AGBL1: variants seen among roughly 807,000 people sequenced by gnomAD.
AGBL1 encodes AGBL carboxypeptidase 1, also known as cytosolic carboxypeptidase 4.
A neutral mutation model predicts 118.9 loss-of-function variants in AGBL1; 130 were observed. The observed-to-expected ratio is 1.09, with a 90% CI of 0.95 to 1.26. The LOEUF is 1.26. AGBL1 is among the 50% of genes most tolerant of loss of function. The pLI is 0.00. For missense variants in AGBL1, 1,584 were observed against 1,298.1 expected (o/e 1.22, Z -3.38); for synonymous variants, 555 against 478.9 (o/e 1.16, Z -2.08).
intron 18 of AGBL1, among the ~76,000 whole-genome samples, chr15:86,448,406 C>G (rs538747440): frequency 1.4e-3 from 207 of 152,240 alleles, no homozygotes; most frequent in African/African-American, 4.9e-3. Context: ...GTTAAGCATG[C>G]TGATATCATT....
chr15:86,301,832 C>T (rs899720170), intron 17 of AGBL1, among the ~76,000 whole-genome samples: 7 of 152,112 alleles, frequency 4.6e-5, no homozygotes, highest in African/African-American at 1.7e-4. Context: ...CCTGTATAAA[C>T]TCCACGTGCC....
intron 17 of AGBL1, among the ~76,000 whole-genome samples, chr15:86,355,895 T>C (rs533543064): frequency 3.3e-5 from 5 of 152,330 alleles, no homozygotes; most frequent in African/African-American, 1.2e-4. Flanking sequence ...AAACAGCTCC[T>C]GCTTCATTCT....
chr15:86,216,782 G>T (rs985535184), intron 5 of AGBL1, among the ~76,000 whole-genome samples: 2 of 152,166 alleles, frequency 1.3e-5, no homozygotes, highest in Non-Finnish European at 1.5e-5. Flanking sequence ...TCAAAATCCA[G>T]TAGAGAATCC....
chr15:86,705,061 C>G (rs982954198), intron 22 of AGBL1, among the ~76,000 whole-genome samples: 9 of 152,122 alleles, frequency 5.9e-5, no homozygotes, highest in Non-Finnish European at 1.2e-4. Context: ...CATGTCCTCA[C>G]TCATAAGTGG....
intron 21 of AGBL1, among the ~76,000 whole-genome samples, chr15:86,657,390 T>G (rs2085478080): frequency 1.3e-5 from 2 of 152,146 alleles, no homozygotes; most frequent in Non-Finnish European, 2.9e-5. Context: ...ATGGCATTAG[T>G]GGGAAATCAG....
At chr15:86,891,819 A>AT (rs936457991) in intron 22 of AGBL1, among the ~76,000 whole-genome samples, 2 of 152,160 alleles carry the variant, frequency 1.3e-5, no homozygotes, top group African/African-American at 4.8e-5. Flanking sequence ...GCCCAGCTGT[A>AT]TTTTAACACT....
At chr15:86,861,175 G>A (rs568542563) in intron 22 of AGBL1, among the ~76,000 whole-genome samples, 29 of 152,226 alleles carry the variant, frequency 1.9e-4, no homozygotes, top group Admixed American at 3.9e-4. Flanking sequence ...CCCATTGAAG[G>A]TATCTATTTT....
intron 18 of AGBL1, among the ~76,000 whole-genome samples, chr15:86,516,388 C>G (rs1201116690): frequency 1.3e-5 from 2 of 152,132 alleles, no homozygotes; most frequent in African/African-American, 4.8e-5. Context: ...GATATATTTT[C>G]CTTTCAGTCT....
chr15:86,549,571 C>A (rs944601984), intron 20 of AGBL1, among the ~76,000 whole-genome samples: 24 of 151,892 alleles, frequency 1.6e-4, no homozygotes, highest in African/African-American at 5.3e-4. Context: ...AAAGTATAAT[C>A]TATGATGTCC....
At chr15:86,262,279 C>T (rs1046347877) in intron 9 of AGBL1, among the ~76,000 whole-genome samples, 3 of 151,842 alleles carry the variant, frequency 2.0e-5, no homozygotes, top group African/African-American at 7.3e-5. Context: ...TTTCTTCTCT[C>T]GCTAAAAGGC....
chr15:86,566,330 A>C (rs1445587028), intron 21 of AGBL1, among the ~76,000 whole-genome samples: 1 of 152,116 alleles, frequency 6.6e-6, no homozygotes, highest in African/African-American at 2.4e-5. Context: ...TTTTAGAACC[A>C]ATTAGGTAGT....
chr15:86,709,875 C>CTAAA (rs1428298675), intron 22 of AGBL1, among the ~76,000 whole-genome samples: 2 of 152,146 alleles, frequency 1.3e-5, no homozygotes, highest in African/African-American at 4.8e-5. Context: ...ATGAAATGTA[C>CTAAA]TAAATCTCCT....
intron 21 of AGBL1, among the ~76,000 whole-genome samples, chr15:86,599,128 G>A (rs2084453747): frequency 6.6e-6 from 1 of 152,120 alleles, no homozygotes; most frequent in Non-Finnish European, 1.5e-5. Context: ...ACACCGAGCT[G>A]ACTTTATTTT....
At chr15:86,817,459 G>A (rs1057490466) in intron 22 of AGBL1, among the ~76,000 whole-genome samples, 1 of 93,700 alleles carries the variant, frequency 1.1e-5, no homozygotes, top group African/African-American at 4.5e-5. Flanking sequence ...GTGTCTCTGA[G>A]AGATACACAC....
intron 22 of AGBL1, among the ~76,000 whole-genome samples, chr15:86,730,081 G>T (rs950969801): frequency 3.3e-5 from 5 of 152,146 alleles, no homozygotes; most frequent in Non-Finnish European, 5.9e-5. Flanking sequence ...TTTGAGAAGT[G>T]CCTAAGATTG....
At chr15:86,394,231 G>C (rs932664470) in intron 17 of AGBL1, among the ~76,000 whole-genome samples, 4 of 152,074 alleles carry the variant, frequency 2.6e-5, no homozygotes, top group Admixed American at 2.6e-4. Context: ...TCACTATGCT[G>C]TACTGTCCCT....
rs542865689 is a variant in AGBL1 at position 86,365,297 on chromosome 15, G to T, written c.2375-32069G>T. 2.0e-5 allele frequency among the ~76,000 whole-genome samples: 3 copies of T among 152,196 alleles called. No homozygotes were observed. In the South Asian group the frequency reaches 6.2e-4, roughly 32 times the overall value. Reference sequence around the variant, plus strand: ...ATTCATCTAAGCTATTCAAGTCCATGTGTAGTAGTCTGAAATTTTTCTACA... The same window carrying T: ...ATTCATCTAAGCTATTCAAGTCCATTTGTAGTAGTCTGAAATTTTTCTACA... On this transcript the variant is annotated intron_variant, in intron 17 of 22. Coordinates refer to ENST00000614907, the MANE Select transcript of AGBL1 (RefSeq NM_001386094.1).
At chr15:86,182,140 T>C (rs914365667) in intron 5 of AGBL1, among the ~76,000 whole-genome samples, 1 of 151,984 alleles carries the variant, frequency 6.6e-6, no homozygotes, top group African/African-American at 2.4e-5. Context: ...AATAATTGGT[T>C]GGATATTAAT....
chr15:86,666,088 A>C (rs1401094077), intron 21 of AGBL1, among the ~76,000 whole-genome samples: 3 of 152,084 alleles, frequency 2.0e-5, no homozygotes, highest in Non-Finnish European at 1.5e-5. Flanking sequence ...TTTGTTTTCC[A>C]AGTCTGAAAA....
Sources: gnomAD v4.1 joint callset for allele counts (sites outside exome capture counted in the v4.1 genomes callset) on GRCh38, gnomAD v4.1.1 for gene constraint, MANE v1.5 for transcripts, NCBI Gene and HGNC (gene_info 2026-07-23, HGNC 2026-07-21) for gene names.